Variants in CHN2 observed in about 807,000 individuals in gnomAD.
CHN2 encodes the protein chimerin 2.
CHN2 carries 35 observed loss-of-function variants against 56.3 expected under a neutral mutation model. The observed-to-expected ratio is 0.62, with a 90% CI of 0.47 to 0.82. The LOEUF is 0.82. Among genes scored for constraint, CHN2 ranks in the 40% least tolerant of loss-of-function variants. The pLI, the probability that CHN2 is intolerant of heterozygous loss-of-function variation, is 0.00. For missense variants in CHN2, 491 were observed against 580.5 expected, an observed-to-expected ratio of 0.85 and a Z score of 1.58; for synonymous variants, 210 against 212.8, an observed-to-expected ratio of 0.99 and a Z score of 0.12.
chr7:29,367,014 G>A (rs1799220429), intron 2 of CHN2, among the ~76,000 whole-genome samples: 3 of 151,818 alleles, frequency 2.0e-5, no homozygotes, highest in Admixed American at 6.5e-5. Flanking sequence ...TTAACTTTTT[G>A]TAGATTTATT....
At chr7:29,197,058 T>A (rs1342986208) in intron 1 of CHN2, among the ~76,000 whole-genome samples, 1 of 152,214 alleles carries the variant, frequency 6.6e-6, no homozygotes, top group East Asian at 1.9e-4. Flanking sequence ...ACACTTACCA[T>A]TGTGTGGATC....
intron 1 of CHN2, among the ~76,000 whole-genome samples, chr7:29,236,955 C>T (rs906159651): frequency 6.6e-6 from 1 of 152,204 alleles, no homozygotes; most frequent in Non-Finnish European, 1.5e-5. Context: ...AATCCTTCAT[C>T]ATAGCTGCAG....
At chr7:29,212,655 A>G in intron 1 of CHN2, 2 of 1,440,198 alleles carry the variant, frequency 1.4e-6, no homozygotes, top group South Asian at 2.3e-5. Flanking sequence ...AGACAGAAAT[A>G]CCTTAGCCTC....
intron 1 of CHN2, among the ~76,000 whole-genome samples, chr7:29,238,465 T>G (rs1378933622): frequency 2.6e-5 from 4 of 152,210 alleles, no homozygotes; most frequent in Non-Finnish European, 5.9e-5. Flanking sequence ...AGAAATAATA[T>G]GTATTTATTC....
chr7:29,277,291 T>C (rs1382752834), intron 1 of CHN2, among the ~76,000 whole-genome samples: 163 of 152,312 alleles, frequency 1.1e-3, no homozygotes, highest in Non-Finnish European at 4.4e-5. Context: ...GGCCAGATTG[T>C]CTGCCCAAGG....
chr7:29,206,301 A>G (rs1784513080), intron 1 of CHN2, among the ~76,000 whole-genome samples: 1 of 152,056 alleles, frequency 6.6e-6, no homozygotes, highest in Non-Finnish European at 1.5e-5. Flanking sequence ...TTTTTCCCCC[A>G]AGATGGAAAA....
At chr7:29,240,357 T>C (rs140970437) in intron 1 of CHN2, among the ~76,000 whole-genome samples, 1 of 152,208 alleles carries the variant, frequency 6.6e-6, no homozygotes, top group Admixed American at 6.5e-5. Flanking sequence ...GAATGAGTAT[T>C]GACTCCATCT....
chr7:29,352,326 G>A (rs2128923716), intron 1 of CHN2, among the ~76,000 whole-genome samples: 1 of 150,888 alleles, frequency 6.6e-6, no homozygotes, highest in South Asian at 2.1e-4. Context: ...GCATCTCAGG[G>A]ATTTGCATTT....
chr7:29,331,714 G>C (rs1796230294), intron 1 of CHN2, among the ~76,000 whole-genome samples: 1 of 152,198 alleles, frequency 6.6e-6, no homozygotes, highest in Non-Finnish European at 1.5e-5. Context: ...GACTGGGAGA[G>C]GGAAGGAGTG....
chr7:29,152,227 A>T (rs1050089002), intron 2 of CHN2, among the ~76,000 whole-genome samples: 7 of 152,236 alleles, frequency 4.6e-5, no homozygotes, highest in African/African-American at 1.7e-4. Flanking sequence ...AAGCAATTGC[A>T]TAAAACCTTA....
chr7:29,415,035 A>G (rs958651883), intron 6 of CHN2, among the ~76,000 whole-genome samples: 9 of 152,190 alleles, frequency 5.9e-5, no homozygotes, highest in African/African-American at 2.2e-4. Context: ...TCTTTCATTA[A>G]TTCATTCATG....
chr7:29,291,967 G>T (rs1792667255), intron 1 of CHN2, among the ~76,000 whole-genome samples: 1 of 152,202 alleles, frequency 6.6e-6, no homozygotes, highest in Non-Finnish European at 1.5e-5. Flanking sequence ...AATACAAAGA[G>T]AAGGACTTGG....
intron 6 of CHN2, among the ~76,000 whole-genome samples, chr7:29,455,567 A>C (rs920177543): frequency 2.0e-5 from 3 of 152,158 alleles, no homozygotes; most frequent in Non-Finnish European, 4.4e-5. Context: ...CCAGTTTTTG[A>C]ATGGGTACCA....
At chr7:29,367,068 C>T (rs1303074592) in intron 2 of CHN2, among the ~76,000 whole-genome samples, 2 of 152,026 alleles carry the variant, frequency 1.3e-5, no homozygotes, top group African/African-American at 4.8e-5. Flanking sequence ...CTGAAGAGAA[C>T]ATCAACTTTT....
chr7:29,244,906 G>A (rs576742880), intron 1 of CHN2, among the ~76,000 whole-genome samples: 20 of 152,280 alleles, frequency 1.3e-4, no homozygotes, highest in Middle Eastern at 6.8e-3. Flanking sequence ...CATGAGATAA[G>A]TACTGAATCT....
chr7:29,332,194 A>C (rs1428337001), intron 1 of CHN2, among the ~76,000 whole-genome samples: 1 of 152,176 alleles, frequency 6.6e-6, no homozygotes, highest in Non-Finnish European at 1.5e-5. Flanking sequence ...GCTCCACCCA[A>C]GCTTGGCCCC....
chr7:29,164,606 C>A (rs1795648312), intron 2 of CHN2, among the ~76,000 whole-genome samples: 1 of 151,778 alleles, frequency 6.6e-6, no homozygotes, highest in Non-Finnish European at 1.5e-5. Context: ...CATGGCAAAA[C>A]CCCATCTCTA....
chr7:29,293,060 G>A lies in CHN2; in HGVS notation c.50-61565G>A, dbSNP rs73686720. ...TCACCTGCCACATGCCCCACTCCCC[G>A]CTTCCATTGCAAAGACAGAGCTGTC... On this transcript the variant is annotated intron_variant, in intron 1 of 12. Coordinates refer to ENST00000222792, the MANE Select transcript of CHN2 (RefSeq NM_004067.4). The A allele has an allele frequency of 7.7e-3, 3,518 of 454,714 alleles. 102 individuals carry two copies. Among genetic ancestry groups the A allele is most frequent in the African/African-American group, 0.064 (3,194 of 50,070 alleles). 28.2% of individuals were successfully genotyped at this position (454,714 alleles called of 1,614,324 possible).
intron 1 of CHN2, among the ~76,000 whole-genome samples, chr7:29,250,605 T>C (rs1365996572): frequency 6.6e-6 from 1 of 152,244 alleles, no homozygotes; most frequent in African/African-American, 2.4e-5. Flanking sequence ...GGAACTCTGA[T>C]TTCCGGTTAA....
Sources: allele counts gnomAD v4.1 joint callset (sites outside exome capture counted in the v4.1 genomes callset), GRCh38; gene constraint gnomAD v4.1.1; transcripts MANE v1.5; gene names NCBI Gene and HGNC (gene_info 2026-07-23, HGNC 2026-07-21).